Variants in PRPF8 observed in about 807,000 individuals in gnomAD.
PRPF8 encodes the protein pre-mRNA processing factor 8.
A neutral mutation model predicts 285.9 loss-of-function variants in PRPF8; 64 were observed. The ratio of observed to expected loss-of-function variants is 0.22; its 90% CI spans 0.18 to 0.28. The LOEUF is 0.28. PRPF8 is among the 10% of genes least tolerant of loss of function. The pLI is 1.00. For synonymous variants in PRPF8, 1,325 were observed against 1,118.2 expected (o/e 1.18, Z -3.69); for missense variants, 1,426 against 3,026.7 (o/e 0.47, Z 12.41).
At position 1,681,891 on chromosome 17, in the gene PRPF8, C is replaced by A; in HGVS notation, c.582G>T (p.Glu194Asp). ...CAGGGGCGTCCTCCTCAGGGTCCAG[C>A]TCTAGCTGAATGGCCTCCAGTGGCT... ...DVEPLEAIQL[E>D]LDPEEDAPVL... Residue 194 changes from glutamate (E) to aspartate (D), a missense_variant, in exon 5 of 43, where the codon GAG becomes GAT. Transcript: ENST00000304992. The A allele has an allele frequency of 6.2e-7, 1 of 1,614,070 alleles. No individual in the cohort carries two copies. Among genetic ancestry groups the A allele is most frequent in the East Asian group, 2.2e-5 (1 of 44,884 alleles).
Position 1,651,666 on chromosome 17 carries a change from G to A in PRPF8, c.6492C>T (p.Pro2164=). The A allele has an allele frequency of 6.2e-7, 1 of 1,614,142 alleles. No individual in the cohort carries two copies. Among genetic ancestry groups the A allele is most frequent in the Non-Finnish European group, 8.5e-7 (1 of 1,180,034 alleles). ...CCATTACCTTGAGGTACTCATGCTG[G>A]GGCAGCTGGCCAGGCAGGTGCACGG... is the stretch of plus-strand genomic sequence containing the variant. ...HQTVHLPGQL[P]QHEYLKEMEP... is the part of the protein sequence containing the mutation. The change falls in exon 40 of 43, where the codon CCC becomes CCT. Residue 2164 remains proline (P), a synonymous_variant. Transcript: ENST00000304992. This position sits in a 1 kb window ranked among gnomAD's most constrained non-coding sequence, Gnocchi z 5.1.
At chr17:1,656,892 A>G (rs755376741) in intron 34 of PRPF8, 131 bp from the exon 35 acceptor site, 13 of 875,312 alleles carry the variant, frequency 1.5e-5, no homozygotes, top group Non-Finnish European at 2.4e-5. Flanking sequence ...TTAGGCACTT[A>G]GAAGGTACAA....
chr17:1,676,377 G>A lies in PRPF8; in HGVS notation c.2389-7C>T. The A allele has an allele frequency of 6.2e-7, 1 of 1,614,160 alleles. No individual in the cohort carries two copies. Among genetic ancestry groups the A allele is most frequent in the Non-Finnish European group, 8.5e-7 (1 of 1,180,040 alleles). On this transcript the variant is annotated splice_region_variant and splice_polypyrimidine_tract_variant and intron_variant, in intron 16 of 42. Transcript: ENST00000304992. This position sits in a 1 kb window ranked among gnomAD's most constrained non-coding sequence, Gnocchi z 6.3. ...CTGTGATGTAAGGCCCGTCCTGTAAGGTGGACATGAAATTAGCCTCCCGCT... is the reference window on the plus strand; with the variant it reads ...CTGTGATGTAAGGCCCGTCCTGTAAAGTGGACATGAAATTAGCCTCCCGCT...
In PRPF8 at chr17:1,653,849, T is replaced by A; in HGVS notation, c.6155A>T (p.Asp2052Val). Reference sequence around the variant, plus strand: ...GCTGGTGGTGGAGGTGATGATCTCATCGCCATGCTTGTTGACAGTGCGAGT... The same window carrying A: ...GCTGGTGGTGGAGGTGATGATCTCAACGCCATGCTTGTTGACAGTGCGAGT... Reference protein sequence around the residue: ...TQTRTVNKHGDEIITSTTSNY... With the variant: ...TQTRTVNKHGVEIITSTTSNY... The change falls in exon 38 of 43, where the codon GAT (aspartate) becomes GTT (valine). Residue 2052 changes from aspartate to valine, a missense_variant. This residue lies in a region of PRPF8 where 160 missense variants were observed against 373.7 expected (regional missense o/e 0.43). Transcript: ENST00000304992. The surrounding 1 kb of genome is among the most constrained non-coding windows in gnomAD (Gnocchi z 4.9). The A allele has an allele frequency of 6.2e-7, 1 of 1,614,162 alleles. No individual in the cohort carries two copies. The highest frequency in any genetic ancestry group is 8.5e-7 in the Non-Finnish European group (1 of 1,180,028).
rs1913155219 is a variant in PRPF8 at position 1,684,781 on chromosome 17, C to G, written c.-13G>C. ...CGGCCTTAAACGCCTGCCACGCACC[C>G]CACAGGCCCTCACACAAGAGGCCGC... On this transcript the variant is annotated splice_region_variant and 5_prime_UTR_variant, in exon 1 of 43. Coordinates refer to ENST00000304992, the MANE Select transcript of PRPF8 (RefSeq NM_006445.4). 3 of 611,690 alleles carry G rather than the reference C, an allele frequency of 4.9e-6. No homozygotes were observed. In the Admixed American group the frequency reaches 8.6e-5, roughly 17 times the overall value. The allele number at this position is 611,690 out of a possible 1,614,324, so 37.9% of individuals were successfully genotyped here. A position where few individuals can be genotyped will look rare whatever the true frequency, so the allele number is the denominator to read the frequency against.
rs746984136 is a variant in PRPF8 at position 1,650,812 on chromosome 17, A to T, written c.6998T>A (p.Leu2333Gln). 2 of 1,613,950 alleles carry T rather than the reference A, an allele frequency of 1.2e-6. No individual in the cohort carries two copies. Among genetic ancestry groups the T allele is most frequent in the Non-Finnish European group, 1.7e-6 (2 of 1,180,008 alleles). ...GEVYSADRED[L>Q]YA ...GAGGCAGGGAAACGGTCAGGCATAC[A>T]GGTCCTCCCGATCCGCAGAGTAAAC... The change falls in exon 43 of 43, where the codon CTG becomes CAG. Residue 2333 changes from leucine to glutamine, a missense_variant. By Grantham distance (113) the Leu-to-Gln change is moderately radical. Around this residue, in one of 34 missense-constraint regions of PRPF8, gnomAD observed 59 missense variants for 58.6 expected, o/e 1.01. Coordinates refer to ENST00000304992, the MANE Select transcript of PRPF8 (RefSeq NM_006445.4).
intron 24 of PRPF8, among the ~76,000 whole-genome samples, chr17:1,666,153 G>A (rs1169996190): frequency 4.7e-5 from 7 of 147,932 alleles, no homozygotes; most frequent in Admixed American, 1.3e-4. Context: ...GTGACAGGGC[G>A]AGACTCTGTC....
rs1254215060 is a variant in PRPF8, at chr17:1,661,607, C to T, written c.4202+4G>A. ...AGGGTTGGCATGCCCTCCTAGGTGCCCACCTGTTCTGAGCAATGGCCTCTT... is the reference window on the plus strand; with the variant it reads ...AGGGTTGGCATGCCCTCCTAGGTGCTCACCTGTTCTGAGCAATGGCCTCTT... On this transcript the variant is annotated splice_donor_region_variant and intron_variant, in intron 26 of 42. Transcript: ENST00000304992. The surrounding 1 kb of genome is among the most constrained non-coding windows in gnomAD (Gnocchi z 7.3). The T allele has an allele frequency of 1.2e-6, 2 of 1,612,924 alleles. No individual in the cohort carries two copies. The highest frequency in any genetic ancestry group is 1.7e-6 in the Non-Finnish European group (2 of 1,180,028).
At chr17:1,682,401 C>G in intron 3 of PRPF8, 108 bp from the exon 4 acceptor site, 1 of 1,401,278 alleles carries the variant, frequency 7.1e-7, no homozygotes, top group East Asian at 2.3e-5. Flanking sequence ...CCTTACAATC[C>G]AAACTCCCAA....
intron 24 of PRPF8, among the ~76,000 whole-genome samples, chr17:1,666,295 A>T (rs1288561008): frequency 6.6e-6 from 1 of 152,186 alleles, no homozygotes; most frequent in African/African-American, 2.4e-5. Context: ...CACACCTACA[A>T]TCCCAGCACT....
intron 14 of PRPF8, 126 bp downstream of exon 14, chr17:1,677,439 C>G: frequency 7.0e-7 from 1 of 1,419,170 alleles, no homozygotes; most frequent in Non-Finnish European, 9.9e-7. Flanking sequence ...AGACTCATTT[C>G]AGAACTGGAC....
chr17:1,653,909 T>G lies in PRPF8; in HGVS notation c.6095A>C (p.Gln2032Pro). 6.2e-7 allele frequency: 1 copy of G among 1,614,220 alleles called. No homozygotes were observed. Among genetic ancestry groups the G allele is most frequent in the Non-Finnish European group, 8.5e-7 (1 of 1,180,032 alleles). The change falls in exon 38 of 43, where the codon CAG becomes CCG. Residue 2032 changes from glutamine to proline, a missense_variant. Transcript: ENST00000304992. The surrounding 1 kb of genome is among the most constrained non-coding windows in gnomAD (Gnocchi z 4.9). ...QRQQIAEIEK[Q>P]TKEQSQLTAT... ...CGTCAGCTGCGATTGTTCCTTGGTC[T>G]GCTTCTCGATCTCAGCGATCTGCTG...
At position 1,675,946 on chromosome 17, in the gene PRPF8, T is replaced by C. The variant is rs1232030116; in HGVS notation, c.2661A>G (p.Thr887=). The C allele has an allele frequency of 1.9e-6, 3 of 1,614,010 alleles. No homozygotes were observed. The highest frequency in any genetic ancestry group is 4.5e-5 in the East Asian group (2 of 44,890). Residue 887 remains threonine (T), a synonymous_variant, in exon 18 of 43, where the codon ACA becomes ACG. Transcript: ENST00000304992. The surrounding 1 kb of genome is among the most constrained non-coding windows in gnomAD (Gnocchi z 6.0). Reference sequence around the variant, plus strand: ...CACTCACCTCTTTGAAGGCTCTCTGTGTGAGGAGGTGACGCTTGATGCGGG... The same window carrying C: ...CACTCACCTCTTTGAAGGCTCTCTGCGTGAGGAGGTGACGCTTGATGCGGG... The part of the protein sequence containing the change: ...ALSRIKRHLL[T]QRAFKEVGIE...
chr17:1,672,438 C>T (rs1052803397), intron 24 of PRPF8, among the ~76,000 whole-genome samples: 2 of 152,108 alleles, frequency 1.3e-5, no homozygotes, highest in Non-Finnish European at 2.9e-5. Flanking sequence ...GGCCACCAGG[C>T]CCGGTTAATT....
At position 1,659,327 on chromosome 17, in the gene PRPF8, G is replaced by A; in HGVS notation, c.5138+30C>T. 6.2e-7 allele frequency: 1 copy of A among 1,613,352 alleles called. No homozygotes were observed. The highest frequency in any genetic ancestry group is 8.5e-7 in the Non-Finnish European group (1 of 1,179,744). On this transcript the variant is annotated intron_variant, in intron 32 of 42. Coordinates refer to ENST00000304992, the MANE Select transcript of PRPF8 (RefSeq NM_006445.4). The surrounding 1 kb of genome is among the most constrained non-coding windows in gnomAD (Gnocchi z 5.1). ...AGGTGTGAGCCACTGCGCCTGGCCT[G>A]AAAATACATGGTCCTGAGCCTCAAC...
In PRPF8 at chr17:1,675,321, T is replaced by C; in HGVS notation, c.2891A>G (p.Asp964Gly). The change falls in exon 20 of 43, where the codon GAC (aspartate) becomes GGC (glycine). Residue 964 changes from aspartate (D) to glycine (G), a missense_variant. Physicochemically the swap from Asp to Gly is moderately conservative, Grantham distance 94. Coordinates refer to ENST00000304992, the MANE Select transcript of PRPF8 (RefSeq NM_006445.4). This position sits in a 1 kb window ranked among gnomAD's most constrained non-coding sequence, Gnocchi z 6.0. The stretch of plus-strand genomic sequence containing the variant: ...CTCGCCTTCACTCGTCTCCCACACG[T>C]CCTGCAGGTTATTGATGCCTGAGGA... The part of the protein sequence containing the change: ...KWCQGINNLQ[D>G]VWETSEGECN... 1 of 1,614,176 alleles carries C rather than the reference T, an allele frequency of 6.2e-7. No homozygotes were observed. Among genetic ancestry groups the C allele is most frequent in the East Asian group, 2.2e-5 (1 of 44,880 alleles).
intron 24 of PRPF8, among the ~76,000 whole-genome samples, chr17:1,663,140 G>C (rs1347677934): frequency 6.6e-6 from 1 of 152,048 alleles, no homozygotes; most frequent in East Asian, 1.9e-4. Context: ...TAGACTAATG[G>C]TCAAAGTAGA....
intron 3 of PRPF8, chr17:1,682,877 C>G (rs1913012876): frequency 5.7e-6 from 1 of 176,424 alleles, no homozygotes; most frequent in East Asian, 1.5e-4. Flanking sequence ...GTAGGGAAAC[C>G]TCTGAAATTA....
chr17:1,654,073 C>G, intron 37 of PRPF8, 57 bp from the exon 38 acceptor site: 1 of 1,613,360 alleles, frequency 6.2e-7, no homozygotes, highest in Non-Finnish European at 8.5e-7. Context: ...TCACTTCTGC[C>G]TCAATGGAAA....
Sources: allele counts gnomAD v4.1 joint callset (sites outside exome capture counted in the v4.1 genomes callset), GRCh38; gene constraint gnomAD v4.1.1; regional missense constraint gnomAD v4.1.1; non-coding constraint Gnocchi (gnomAD v3.1); transcripts MANE v1.5; gene names NCBI Gene and HGNC (gene_info 2026-07-23, HGNC 2026-07-21).